TPH2: variants seen among roughly 807,000 people sequenced by gnomAD.
TPH2 encodes the protein tryptophan 5-hydroxylase 2.
TPH2 carries 27 observed loss-of-function variants against 59.1 expected under a neutral mutation model. The ratio of observed to expected loss-of-function variants is 0.46; its 90% confidence interval spans 0.34 to 0.63. The LOEUF (loss-of-function observed/expected upper bound fraction) is 0.63. TPH2 is among the 30% of genes least tolerant of loss of function. The pLI is 0.01. For missense variants in TPH2, 523 were observed against 588.3 expected, an observed-to-expected ratio of 0.89 and a Z score of 1.15; for synonymous variants, 220 against 210.5, an observed-to-expected ratio of 1.05 and a Z score of -0.39.
In TPH2 at chr12:72,022,603, T is replaced by A. The variant is rs1034613503; in HGVS notation, c.1164+109T>A. 3 of 935,758 alleles carry A rather than the reference T, an allele frequency of 3.2e-6. No homozygotes were observed. The South Asian group carries it at 4.1e-5, about 13-fold the overall frequency. 58.0% of individuals were successfully genotyped at this position (935,758 alleles called of 1,614,324 possible). A position where few individuals can be genotyped will look rare whatever the true frequency, so the allele number is the denominator to read the frequency against. Reference sequence around the variant, plus strand: ...TCTACTCACAGATACTCCATAAATATTTAACATAGAGGATTTGGCACCTCG... The same window carrying A: ...TCTACTCACAGATACTCCATAAATAATTAACATAGAGGATTTGGCACCTCG... On this transcript the variant is annotated intron_variant, in intron 9 of 10. Coordinates refer to ENST00000333850, the MANE Select transcript of TPH2 (RefSeq NM_173353.4).
intron 4 of TPH2, among the ~76,000 whole-genome samples, chr12:71,947,227 A>C (rs913672572): frequency 2.0e-5 from 3 of 152,092 alleles, no homozygotes; most frequent in Admixed American, 1.3e-4. Flanking sequence ...GTGGAGAATT[A>C]AAAAATACTG....
At chr12:71,985,583 T>C (rs1872408908) in intron 7 of TPH2, among the ~76,000 whole-genome samples, 1 of 151,924 alleles carries the variant, frequency 6.6e-6, no homozygotes, top group African/African-American at 2.4e-5. Context: ...ATTTTTAGTA[T>C]AGACAAGGTT....
intron 8 of TPH2, among the ~76,000 whole-genome samples, chr12:71,998,831 TAG>T (rs1275218540): frequency 2.6e-5 from 4 of 152,154 alleles, no homozygotes; most frequent in African/African-American, 7.2e-5. Flanking sequence ...GAAAAATCTA[TAG>T]AGAGGACAAA....
intron 7 of TPH2, among the ~76,000 whole-genome samples, chr12:71,987,675 A>C (rs2171364): frequency 0.21 from 31,341 of 151,800 alleles, 3,510 homozygotes; most frequent in East Asian, 0.36. Context: ...CATGATAAAA[A>C]CCCGTCTCTA....
chr12:71,981,764 G>A (rs1029086993), intron 7 of TPH2, among the ~76,000 whole-genome samples: 4 of 151,980 alleles, frequency 2.6e-5, no homozygotes, highest in Non-Finnish European at 5.9e-5. Context: ...TGGGTTTGGG[G>A]TATTTTGTCT....
At chr12:72,017,163 C>A (rs1873276818) in intron 8 of TPH2, among the ~76,000 whole-genome samples, 1 of 152,218 alleles carries the variant, frequency 6.6e-6, no homozygotes, top group Admixed American at 6.5e-5. Context: ...GATTCTGTGT[C>A]TGTGGACTTG....
chr12:72,024,367 T>A (rs115493072), intron 9 of TPH2, among the ~76,000 whole-genome samples: 3,147 of 152,312 alleles, frequency 0.021, 128 homozygotes, highest in African/African-American at 0.072. Context: ...AAGAACTGTC[T>A]GGGGTTCACT....
rs1873426523 is a variant in TPH2, at chr12:72,021,747, T to C, written c.1069-652T>C. Reference sequence around the variant, plus strand: ...TATTGTAAGTCGAGCAGCATGTACATACACAAATACATATATAAACCTACA... The same window carrying C: ...TATTGTAAGTCGAGCAGCATGTACACACACAAATACATATATAAACCTACA... On this transcript the variant is annotated intron_variant, in intron 8 of 10. Transcript: ENST00000333850. Among the ~76,000 whole-genome samples, 3 of 152,326 alleles carry C rather than the reference T, an allele frequency of 2.0e-5. No individual in the cohort carries two copies. The South Asian group carries it at 6.2e-4, about 32-fold the overall frequency.
At chr12:71,993,865 T>C (rs965067061) in intron 7 of TPH2, among the ~76,000 whole-genome samples, 1 of 152,178 alleles carries the variant, frequency 6.6e-6, no homozygotes, top group Non-Finnish European at 1.5e-5. Context: ...TCACTATCTA[T>C]AGCAAGAAAC....
intron 8 of TPH2, among the ~76,000 whole-genome samples, chr12:72,010,576 C>T (rs1052866831): frequency 7.9e-5 from 12 of 152,150 alleles, no homozygotes; most frequent in Admixed American, 6.5e-5. Context: ...CCAAACATAC[C>T]TTTCTCGTCA....
At chr12:71,967,183 AT>A in intron 5 of TPH2, among the ~76,000 whole-genome samples, 1 of 152,342 alleles carries the variant, frequency 6.6e-6, no homozygotes, top group East Asian at 1.9e-4. Context: ...AAATAACTGT[AT>A]CTATACCTGC....
chr12:71,994,628 T>C, intron 8 of TPH2, 63 bp downstream of exon 8: 1 of 1,593,584 alleles, frequency 6.3e-7, no homozygotes, highest in Non-Finnish European at 8.6e-7. Flanking sequence ...AAAGAAAGCT[T>C]CAGGATTATT....
intron 7 of TPH2, among the ~76,000 whole-genome samples, chr12:71,985,122 G>C (rs191030013): frequency 6.6e-6 from 1 of 152,266 alleles, no homozygotes; most frequent in Non-Finnish European, 1.5e-5. Context: ...ACTTTGAGTT[G>C]TTATATTATT....
intron 5 of TPH2, chr12:71,961,780 C>A: frequency 7.7e-7 from 1 of 1,298,078 alleles, no homozygotes; most frequent in South Asian, 1.2e-5. Context: ...TAGTGGGAAG[C>A]CCTATCCTGT....
chr12:71,961,502 T>C (rs966026550), intron 5 of TPH2: 1 of 1,345,848 alleles, frequency 7.4e-7, no homozygotes, highest in Non-Finnish European at 9.8e-7. Context: ...AGGTGCAAGA[T>C]GTATCTGATT....
chr12:71,982,204 T>A (rs1592397325), intron 7 of TPH2, among the ~76,000 whole-genome samples: 1 of 151,352 alleles, frequency 6.6e-6, no homozygotes. Flanking sequence ...GGGGTTTTGC[T>A]ATATTGGCCA....
intron 5 of TPH2, among the ~76,000 whole-genome samples, chr12:71,969,545 G>A (rs1298225733): frequency 6.6e-6 from 1 of 152,136 alleles, no homozygotes; most frequent in Non-Finnish European, 1.5e-5. Flanking sequence ...TGAGGAGCCA[G>A]GTAAAACCTC....
intron 8 of TPH2, among the ~76,000 whole-genome samples, chr12:72,021,307 G>A (rs777931351): frequency 1.3e-5 from 2 of 151,586 alleles, no homozygotes; most frequent in Admixed American, 6.6e-5. Flanking sequence ...AGATATTAAT[G>A]TCCTGGGGAA....
At chr12:71,992,790 A>G (rs1207464014) in intron 7 of TPH2, among the ~76,000 whole-genome samples, 2 of 152,208 alleles carry the variant, frequency 1.3e-5, no homozygotes, top group Non-Finnish European at 1.5e-5. Flanking sequence ...AACATTTAGC[A>G]CAGTACCTAG....
Sources: gnomAD v4.1 joint callset for allele counts (sites outside exome capture counted in the v4.1 genomes callset) on GRCh38, gnomAD v4.1.1 for gene constraint, MANE v1.5 for transcripts, NCBI Gene and HGNC (gene_info 2026-07-23, HGNC 2026-07-21) for gene names.